G2E3: variants seen among roughly 807,000 people sequenced by gnomAD.
The protein encoded by G2E3 is G2/M phase-specific E3 ubiquitin-protein ligase.
A neutral mutation model predicts 92.8 loss-of-function variants in G2E3; 35 were observed. That is an observed-to-expected ratio of 0.38 (90% confidence interval 0.29 to 0.50). The LOEUF is 0.50. Among genes scored for constraint, G2E3 ranks in the 20% least tolerant of loss-of-function variants. The probability of loss-of-function intolerance (pLI) is 0.94; values close to 1 mark genes in which losing one functional copy is unlikely to be tolerated. For synonymous variants in G2E3, 242 were observed against 272.4 expected, an observed-to-expected ratio of 0.89 and a Z score of 1.10; for missense variants, 554 against 823.8, an observed-to-expected ratio of 0.67 and a Z score of 4.01.
intron 12 of G2E3, among the ~76,000 whole-genome samples, chr14:30,608,889 C>T (rs527554869): frequency 6.6e-6 from 1 of 152,182 alleles, no homozygotes; most frequent in East Asian, 1.9e-4. Flanking sequence ...GGCTGAGTCA[C>T]AAGAATAATT....
At position 30,573,948 on chromosome 14, in the gene G2E3, T is replaced by C. The variant is rs116015295; in HGVS notation, c.-4-7128T>C. Among the ~76,000 whole-genome samples the C allele has an allele frequency of 8.6e-3, 1,313 of 152,302 alleles. 26 individuals are homozygous for C. Among genetic ancestry groups the C allele is most frequent in the African/African-American group, 0.031 (1,270 of 41,564 alleles). On this transcript the variant is annotated intron_variant, in intron 1 of 14. Transcript: ENST00000206595. ...ACTGTATTAATCTTGATCTTGAATT[T>C]TTTGGGAATGTTTTATATTACTTTT...
chr14:30,590,738 C>T (rs1428495980), intron 4 of G2E3: 4 of 455,694 alleles, frequency 8.8e-6, no homozygotes, highest in Non-Finnish European at 1.8e-5. Context: ...GAGCATGAAT[C>T]TAAGGACTAC....
intron 2 of G2E3, among the ~76,000 whole-genome samples, chr14:30,582,790 C>T (rs1013689379): frequency 2.6e-5 from 4 of 152,090 alleles, no homozygotes; most frequent in African/African-American, 7.2e-5. Context: ...AGAGATACTT[C>T]GAGTTATGAC....
intron 1 of G2E3, chr14:30,560,840 A>G (rs1566519033): frequency 2.9e-6 from 2 of 700,002 alleles, no homozygotes; most frequent in Admixed American, 4.1e-5. Context: ...ATTTAACTGA[A>G]AGGTTAGAAA....
chr14:30,612,425 A>G (rs1882137508), intron 13 of G2E3, 46 bp downstream of exon 13: 2 of 1,190,948 alleles, frequency 1.7e-6, no homozygotes, highest in Non-Finnish European at 2.4e-6. Context: ...TTACATGTTT[A>G]AAGTGGTTAA....
intron 1 of G2E3, chr14:30,560,631 A>G: frequency 1.8e-6 from 1 of 561,962 alleles, no homozygotes; most frequent in South Asian, 2.4e-5. Flanking sequence ...TTAAAAATTG[A>G]TCGCTATATC....
chr14:30,605,934 A>G (rs1173063642), intron 11 of G2E3, 122 bp downstream of exon 11: 1 of 487,228 alleles, frequency 2.1e-6, no homozygotes, highest in East Asian at 3.2e-5. Flanking sequence ...TTTGTTAATA[A>G]ACTACTGATA....
chr14:30,595,020 C>T (rs1881212096), intron 6 of G2E3, among the ~76,000 whole-genome samples: 2 of 151,602 alleles, frequency 1.3e-5, no homozygotes, highest in African/African-American at 4.8e-5. Flanking sequence ...CACCTGTGAT[C>T]CCAGCTACTT....
At chr14:30,563,781 G>A (rs1223289638) in intron 1 of G2E3, among the ~76,000 whole-genome samples, 7 of 151,484 alleles carry the variant, frequency 4.6e-5, no homozygotes, top group African/African-American at 7.3e-5. Context: ...ATGCAATGGT[G>A]GGATCTTGAC....
intron 1 of G2E3, chr14:30,560,887 C>T (rs1375644909): frequency 1.2e-5 from 8 of 689,136 alleles, no homozygotes; most frequent in Non-Finnish European, 2.1e-5. Flanking sequence ...TTGATCTTTC[C>T]TAGAAAGGCA....
At chr14:30,560,443 A>C (rs1306985203) in intron 1 of G2E3, 4 of 237,648 alleles carry the variant, frequency 1.7e-5, no homozygotes, top group Non-Finnish European at 3.2e-5. Flanking sequence ...CAGCACCCCC[A>C]TTCTTCCTGC....
rs1594517997 is a variant in G2E3 at position 30,616,401 on chromosome 14, G to A, written c.1988G>A (p.Gly663Glu). 1.9e-6 allele frequency: 3 copies of A among 1,612,990 alleles called. No individual in the cohort carries two copies. In the East Asian group the frequency reaches 6.7e-5, roughly 36 times the overall value. The change falls in exon 15 of 15, where the codon GGA becomes GAA. Residue 663 changes from glycine to glutamate, a missense_variant. Gly to Glu is a moderately conservative substitution (Grantham distance 98). Around this residue, in one of 3 missense-constraint regions of G2E3, gnomAD observed 397 missense variants for 560.3 expected, o/e 0.71. Transcript: ENST00000206595. ...IECLHVDFPV[G>E]NKCNNCLAIP... ...TGTCTGCATGTGGATTTTCCTGTTG[G>A]AAACAAGTGTAATAACTGTTTAGCA...
Position 30,599,935 on chromosome 14 carries a change from T to G in G2E3, c.752+1336T>G, listed in dbSNP as rs1011838708. On this transcript the variant is annotated intron_variant, in intron 8 of 14. Coordinates refer to ENST00000206595, the MANE Select transcript of G2E3 (RefSeq NM_017769.5). ...AAAGGGTTTGGCATTTGAAATTTAT[T>G]GATTACTCTTTTGTAATGTCAGTGG... is the stretch of plus-strand genomic sequence containing the variant. Among the ~76,000 whole-genome samples, 9 of 152,320 alleles carry G rather than the reference T, an allele frequency of 5.9e-5. No individual in the cohort carries two copies. In the Middle Eastern group the frequency reaches 0.01, roughly 173 times the overall value.
chr14:30,589,456 G>A lies in G2E3; in HGVS notation c.209G>A (p.Arg70Lys). 6.3e-7 allele frequency: 1 copy of A among 1,589,662 alleles called. No individual in the cohort carries two copies. ...GVYGFLIEDI[R>K]KEVNRASKLK... ...TATGGTTTTCTAATAGAAGATATCA[G>A]GAAGGAAGTGAATAGAGCTTCTAAA... is the stretch of plus-strand genomic sequence containing the variant. Residue 70 changes from arginine to lysine, a missense_variant, in exon 4 of 15, where the codon AGG becomes AAG. Physicochemically the swap from Arg to Lys is conservative, Grantham distance 26. Around this residue, in one of 3 missense-constraint regions of G2E3, gnomAD observed 137 missense variants for 201.3 expected, o/e 0.68. Coordinates refer to ENST00000206595, the MANE Select transcript of G2E3 (RefSeq NM_017769.5).
At chr14:30,583,394 G>C (rs1880536257) in intron 2 of G2E3, among the ~76,000 whole-genome samples, 1 of 152,126 alleles carries the variant, frequency 6.6e-6, no homozygotes, top group Non-Finnish European at 1.5e-5. Context: ...TGAGGAAATG[G>C]AGTCATAAAG....
At chr14:30,606,178 T>C (rs1283984290) in intron 11 of G2E3, among the ~76,000 whole-genome samples, 1 of 152,124 alleles carries the variant, frequency 6.6e-6, no homozygotes, top group African/African-American at 2.4e-5. Flanking sequence ...CATAGAGTTT[T>C]TATAACATAG....
At chr14:30,596,140 GT>G (rs879564320) in intron 6 of G2E3, among the ~76,000 whole-genome samples, 1 of 123,566 alleles carries the variant, frequency 8.1e-6, no homozygotes, top group Non-Finnish European at 1.7e-5. Flanking sequence ...GTGTGCGTGT[GT>G]GTGTGTGTGT....
At chr14:30,590,689 G>A (rs1880956715) in intron 4 of G2E3, 1 of 455,800 alleles carries the variant, frequency 2.2e-6, no homozygotes, top group African/African-American at 2.0e-5. Flanking sequence ...GGTAAAAACA[G>A]AGGTTCTAGG....
intron 4 of G2E3, 40 bp downstream of exon 4, chr14:30,589,524 T>C (rs780479943): frequency 1.0e-6 from 1 of 992,304 alleles, no homozygotes; most frequent in Admixed American, 2.0e-5. Flanking sequence ...GTCATAAATA[T>C]TGTCAATACT....
Sources: gnomAD v4.1 joint callset for allele counts (sites outside exome capture counted in the v4.1 genomes callset) on GRCh38, gnomAD v4.1.1 for gene constraint, gnomAD v4.1.1 regional missense constraint, MANE v1.5 for transcripts, NCBI Gene and HGNC (gene_info 2026-07-23, HGNC 2026-07-21) for gene names.